The following RGL3 variants were observed in gnomAD, a reference collection of about 807,000 sequenced individuals.
RGL3 encodes ral guanine nucleotide dissociation stimulator-like 3.
Under a neutral mutation model 90.6 loss-of-function variants are expected in RGL3, and 85 were observed. The observed-to-expected ratio is 0.94, with a 90% CI of 0.79 to 1.12. RGL3 has a LOEUF of 1.12. RGL3 is among the 50% of genes most tolerant of loss of function. RGL3 has a pLI of 0.00. For synonymous variants in RGL3, 408 were observed against 385.5 expected (o/e 1.06, Z -0.68); for missense variants, 1,034 against 939.2 (o/e 1.10, Z -1.32).
At chr19:11,417,146 CTTTTTTTTTTTG>C in intron 2 of RGL3, 87 bp from the exon 3 acceptor site, 2 of 697,038 alleles carry the variant, frequency 2.9e-6, no homozygotes, top group Non-Finnish European at 4.2e-6. Flanking sequence ...TAGCACCACT[CTTTTTTTTTTTG>C]TTTTTTTTTT....
chr19:11,402,351 G>A (rs936484331), intron 11 of RGL3, 104 bp from the exon 12 acceptor site: 3 of 1,576,724 alleles, frequency 1.9e-6, no homozygotes, highest in South Asian at 2.3e-5. Flanking sequence ...GGGAGTGTGG[G>A]GTGGTGTCAG....
At chr19:11,405,870 G>GT (rs1363881832) in intron 7 of RGL3, among the ~76,000 whole-genome samples, 2 of 148,752 alleles carry the variant, frequency 1.3e-5, no homozygotes, top group Non-Finnish European at 3.0e-5. Context: ...TAATTTTTTT[G>GT]TAAGTCTCAT....
chr19:11,405,266 TG>T, intron 8 of RGL3, 35 bp from the exon 9 acceptor site: 1 of 1,612,612 alleles, frequency 6.2e-7, no homozygotes, highest in Non-Finnish European at 8.5e-7. Context: ...CAGGGGTCAG[TG>T]GCTTGGGAGG....
At chr19:11,401,550 T>C (rs183803137) in intron 13 of RGL3, among the ~76,000 whole-genome samples, 260 of 151,738 alleles carry the variant, frequency 1.7e-3, no homozygotes, top group Middle Eastern at 0.01. Flanking sequence ...CGCCTGCCAC[T>C]ACACCTGGCT....
intron 5 of RGL3, among the ~76,000 whole-genome samples, chr19:11,408,584 C>CA (rs369314749): frequency 0.21 from 25,567 of 121,254 alleles, 2,665 homozygotes; most frequent in East Asian, 0.36. Context: ...GACTCCATCT[C>CA]AAAAAAAAAA....
Position 11,419,237 on chromosome 19 carries a change from T to A in RGL3, c.33+9A>T, listed in dbSNP as rs1372165605. ...GGATGCGGGGTCCGGGGATCCCTTGTCCCCTTACCAGGGCCAGCTCTTTGC... is the reference window on the plus strand; with the variant it reads ...GGATGCGGGGTCCGGGGATCCCTTGACCCCTTACCAGGGCCAGCTCTTTGC... On this transcript the variant is annotated intron_variant, in intron 1 of 18. Coordinates refer to ENST00000380456, the MANE Select transcript of RGL3 (RefSeq NM_001035223.4). 2 of 1,590,118 alleles carry A rather than the reference T, an allele frequency of 1.3e-6. No individual in the cohort carries two copies. Among genetic ancestry groups the A allele is most frequent in the African/African-American group, 2.8e-5 (2 of 72,636 alleles).
intron 18 of RGL3, among the ~76,000 whole-genome samples, chr19:11,396,130 C>CTATATA (rs1465265066): frequency 2.1e-3 from 105 of 49,202 alleles, no homozygotes; most frequent in Non-Finnish European, 3.3e-3. Flanking sequence ...CTCTCTCTCT[C>CTATATA]TCTCTCTATA....
At chr19:11,409,602 C>G (rs1420728836) in intron 5 of RGL3, among the ~76,000 whole-genome samples, 1 of 152,158 alleles carries the variant, frequency 6.6e-6, no homozygotes, top group Non-Finnish European at 1.5e-5. Context: ...TTTTTTGGCT[C>G]CAAGAATGCA....
intron 18 of RGL3, 26 bp from the exon 19 acceptor site, chr19:11,394,546 A>C (rs762150418): frequency 3.2e-6 from 5 of 1,555,128 alleles, no homozygotes; most frequent in Non-Finnish European, 4.4e-6. Flanking sequence ...GATGGTGGTA[A>C]TAGGCCCTCA....
intron 5 of RGL3, among the ~76,000 whole-genome samples, chr19:11,413,829 C>T (rs1229810326): frequency 5.4e-5 from 8 of 148,404 alleles, no homozygotes; most frequent in Non-Finnish European, 8.9e-5. Flanking sequence ...CTGCAAGCTC[C>T]GCCTCCCAGG....
At chr19:11,408,598 A>AG (rs1968822640) in intron 5 of RGL3, among the ~76,000 whole-genome samples, 1 of 151,916 alleles carries the variant, frequency 6.6e-6, no homozygotes, top group Non-Finnish European at 1.5e-5. Context: ...AAAAAAAAAA[A>AG]AGATCATGCT....
At chr19:11,394,612 A>G (rs1287414373) in intron 18 of RGL3, 92 bp from the exon 19 acceptor site, 4 of 908,316 alleles carry the variant, frequency 4.4e-6, no homozygotes, top group Non-Finnish European at 7.3e-6. Context: ...TCACCCGCGA[A>G]CCTGAACAGC....
intron 5 of RGL3, among the ~76,000 whole-genome samples, chr19:11,410,807 C>A (rs1599439892): frequency 6.6e-6 from 1 of 151,926 alleles, no homozygotes; most frequent in Non-Finnish European, 1.5e-5. Context: ...TGAGGTAAGT[C>A]GAAAAGAATG....
At chr19:11,406,327 C>T (rs1220539566) in intron 7 of RGL3, 92 bp downstream of exon 7, 17 of 1,274,798 alleles carry the variant, frequency 1.3e-5, no homozygotes, top group Non-Finnish European at 1.7e-5. Flanking sequence ...CCTCCCTCGC[C>T]TAGACTCGCC....
chr19:11,398,515 T>C (rs760652864), intron 16 of RGL3, among the ~76,000 whole-genome samples: 76 of 151,826 alleles, frequency 5.0e-4, no homozygotes, highest in Non-Finnish European at 9.7e-4. Flanking sequence ...CCAGCTAATG[T>C]TTTTATTTTT....
chr19:11,410,007 C>T (rs527981462), intron 5 of RGL3, among the ~76,000 whole-genome samples: 38 of 151,824 alleles, frequency 2.5e-4, no homozygotes, highest in Middle Eastern at 3.4e-3. Flanking sequence ...GGCTCGATCT[C>T]GGCTCACTGC....
chr19:11,412,136 C>T (rs1968885255), intron 5 of RGL3, among the ~76,000 whole-genome samples: 1 of 151,700 alleles, frequency 6.6e-6, no homozygotes, highest in East Asian at 1.9e-4. Context: ...GAAAATTAGC[C>T]GGGTGTGGTG....
intron 7 of RGL3, 49 bp downstream of exon 7, chr19:11,406,370 C>T (rs1249067248): frequency 5.3e-6 from 8 of 1,500,114 alleles, no homozygotes; most frequent in Non-Finnish European, 7.1e-6. Context: ...ATTTTTTCCC[C>T]TTGCCCCAGG....
chr19:11,415,867 A>T, intron 5 of RGL3, 70 bp downstream of exon 5: 1 of 1,354,256 alleles, frequency 7.4e-7, no homozygotes, highest in Non-Finnish European at 1.0e-6. Flanking sequence ...GAGGGGAGAG[A>T]AAGCCTGTGT....
Sources: gnomAD v4.1 joint callset for allele counts (sites outside exome capture counted in the v4.1 genomes callset) on GRCh38, gnomAD v4.1.1 for gene constraint, MANE v1.5 for transcripts, NCBI Gene and HGNC (gene_info 2026-07-23, HGNC 2026-07-21) for gene names.